RGS6: variants seen among roughly 807,000 people sequenced by gnomAD.
The protein encoded by RGS6 is regulator of G protein signaling 6.
Under a neutral mutation model 78.5 loss-of-function variants are expected in RGS6, and 30 were observed. The observed-to-expected ratio is 0.38, with a 90% CI of 0.29 to 0.52. The LOEUF is 0.52. RGS6 is among the 20% of genes least tolerant of loss of function. The pLI is 0.85. For missense variants in RGS6, 495 were observed against 609.7 expected (o/e 0.81, Z 1.98); for synonymous variants, 206 against 206.0 (o/e 1.00, Z 0.00).
At chr14:72,013,301 C>T (rs1352559306) in intron 2 of RGS6, among the ~76,000 whole-genome samples, 1 of 133,736 alleles carries the variant, frequency 7.5e-6, no homozygotes, top group Admixed American at 7.4e-5. Flanking sequence ...AAAACAACAA[C>T]AACCATAAAA....
intron 2 of RGS6, among the ~76,000 whole-genome samples, chr14:72,224,801 C>T (rs2047723344): frequency 6.6e-6 from 1 of 152,094 alleles, no homozygotes; most frequent in African/African-American, 2.4e-5. Context: ...GAGCCTCTGA[C>T]CTGAGCCTAA....
chr14:72,469,916 A>G (rs997190647), intron 7 of RGS6, 91 bp from the exon 8 acceptor site: 34 of 947,510 alleles, frequency 3.6e-5, no homozygotes, highest in Middle Eastern at 4.3e-4. Context: ...GGAAGTAACC[A>G]AAATTGATGG....
intron 2 of RGS6, among the ~76,000 whole-genome samples, chr14:72,233,711 T>A (rs990561363): frequency 2.0e-5 from 3 of 152,196 alleles, no homozygotes; most frequent in Admixed American, 6.5e-5. Flanking sequence ...TGATGTCTCC[T>A]GCCATGGTTT....
intron 2 of RGS6, among the ~76,000 whole-genome samples, chr14:72,142,785 CTTTA>C (rs889268355): frequency 1.5e-4 from 23 of 152,066 alleles, no homozygotes; most frequent in African/African-American, 5.1e-4. Context: ...ACAGGTGAGG[CTTTA>C]TTTAGTAGTG....
At chr14:71,921,974 C>T in the RGS6 span, among the ~76,000 whole-genome samples, 2 of 152,314 alleles carry the variant, frequency 1.3e-5, no homozygotes, top group African/African-American at 4.8e-5. Flanking sequence ...TAGACACTGT[C>T]ACTGCCACGG....
intron 2 of RGS6, among the ~76,000 whole-genome samples, chr14:72,055,796 G>A (rs763888940): frequency 1.3e-5 from 2 of 152,164 alleles, no homozygotes; most frequent in South Asian, 4.1e-4. Context: ...CATTTCTAAA[G>A]TACAAAGTTT....
In RGS6 at chr14:72,049,607, A is replaced by G. The variant is rs960035353; in HGVS notation, c.84+84732A>G. Among the ~76,000 whole-genome samples, 4 of 152,348 alleles carry G rather than the reference A, an allele frequency of 2.6e-5. No individual in the cohort carries two copies. In the South Asian group the frequency reaches 8.3e-4, roughly 32 times the overall value. On this transcript the variant is annotated intron_variant, in intron 2 of 17. Transcript: ENST00000553525. Reference sequence around the variant, plus strand: ...GCACACAAATGGGTGTGGACATGTCACTGCCAACAACCCACACAGAGTGGC... The same window carrying G: ...GCACACAAATGGGTGTGGACATGTCGCTGCCAACAACCCACACAGAGTGGC...
intron 3 of RGS6, 75 bp downstream of exon 3, chr14:72,352,269 G>C (rs1307477026): frequency 2.8e-6 from 3 of 1,065,324 alleles, no homozygotes; most frequent in Non-Finnish European, 1.4e-6. Flanking sequence ...GCGGCCTGAG[G>C]GGTGTCTGAA....
intron 13 of RGS6, 144 bp downstream of exon 13, chr14:72,495,406 A>G: frequency 1.6e-6 from 1 of 642,976 alleles, no homozygotes; most frequent in South Asian, 1.7e-5. Flanking sequence ...GCTGAGTTCT[A>G]CTTACAGTTT....
intron 17 of RGS6, among the ~76,000 whole-genome samples, chr14:72,556,666 A>G (rs1353295380): frequency 1.9e-5 from 2 of 106,458 alleles, no homozygotes; most frequent in Non-Finnish European, 3.4e-5. Flanking sequence ...ACCACTGTAC[A>G]TGAGAAGGTA....
intron 2 of RGS6, among the ~76,000 whole-genome samples, chr14:72,327,160 A>T (rs2073990811): frequency 6.6e-6 from 1 of 152,090 alleles, no homozygotes. Context: ...TAATTTTTTT[A>T]TGTGTATATG....
intron 1 of RGS6, among the ~76,000 whole-genome samples, chr14:71,952,633 A>G (rs1018760062): frequency 2.0e-5 from 3 of 151,950 alleles, no homozygotes; most frequent in Non-Finnish European, 4.4e-5. Context: ...TCTTTGATCT[A>G]TATTGCTTTT....
intron 3 of RGS6, among the ~76,000 whole-genome samples, chr14:72,425,916 G>C (rs2094416245): frequency 6.6e-6 from 1 of 152,140 alleles, no homozygotes; most frequent in South Asian, 2.1e-4. Context: ...TATCGTACTA[G>C]AATATTAAAA....
rs115670544 is a variant in RGS6, at chr14:71,947,651, A to G, written c.-21+14710A>G. On this transcript the variant is annotated intron_variant, in intron 1 of 17. Transcript: ENST00000553525. ...AGGCGTGTGCCACCACTCTGAGCTA[A>G]TTTTGTGTTTATTGTAGAGACAGGG... 4.5e-3 allele frequency among the ~76,000 whole-genome samples: 685 copies of G among 152,242 alleles called. 8 individuals are homozygous for G. Among genetic ancestry groups the G allele is most frequent in the African/African-American group, 0.016 (652 of 41,548 alleles).
At chr14:71,975,231 G>A (rs147657782) in intron 2 of RGS6, among the ~76,000 whole-genome samples, 6 of 152,164 alleles carry the variant, frequency 3.9e-5, no homozygotes, top group African/African-American at 7.2e-5. Flanking sequence ...CTAGATTGTC[G>A]GTTATTTTAT....
At chr14:72,532,476 G>A (rs977377117) in intron 15 of RGS6, among the ~76,000 whole-genome samples, 2 of 152,142 alleles carry the variant, frequency 1.3e-5, no homozygotes, top group African/African-American at 4.8e-5. Context: ...AAGTGTTCAG[G>A]CAAAAGGAAC....
chr14:72,523,001 C>A (rs1014367587), intron 15 of RGS6, among the ~76,000 whole-genome samples: 1 of 152,190 alleles, frequency 6.6e-6, no homozygotes, highest in Non-Finnish European at 1.5e-5. Flanking sequence ...TTGAGTGTTG[C>A]GGAGCAGAGG....
intron 2 of RGS6, among the ~76,000 whole-genome samples, chr14:72,171,235 C>CA: frequency 6.6e-6 from 1 of 152,074 alleles, no homozygotes; most frequent in Admixed American, 6.5e-5. Flanking sequence ...CAGACACACA[C>CA]AAGAGGCACA....
chr14:72,358,454 A>T (rs1047912427), intron 3 of RGS6, among the ~76,000 whole-genome samples: 2 of 152,272 alleles, frequency 1.3e-5, no homozygotes, highest in African/African-American at 4.8e-5. Context: ...ACCGGGTCAG[A>T]GCTGCCCAAG....
Sources: allele counts gnomAD v4.1 joint callset (sites outside exome capture counted in the v4.1 genomes callset), GRCh38; gene constraint gnomAD v4.1.1; transcripts MANE v1.5; gene names NCBI Gene and HGNC (gene_info 2026-07-23, HGNC 2026-07-21).